The following CFTR variants were observed in gnomAD, a reference collection of about 807,000 sequenced individuals.
The protein encoded by CFTR is cystic fibrosis transmembrane conductance regulator.
Under a neutral mutation model 171.6 loss-of-function variants are expected in CFTR, and 181 were observed. The ratio of observed to expected loss-of-function variants is 1.05; its 90% CI spans 0.93 to 1.19. CFTR has a LOEUF of 1.19. Among genes scored for constraint, CFTR ranks in the 50% most tolerant of loss-of-function variants. The pLI is 0.00. For synonymous variants in CFTR, 583 were observed against 608.0 expected (o/e 0.96, Z 0.60); for missense variants, 1,968 against 1,734.7 (o/e 1.13, Z -2.39).
At chr7:117,611,269 A>C (rs1216767028) in intron 19 of CFTR, among the ~76,000 whole-genome samples, 1 of 152,154 alleles carries the variant, frequency 6.6e-6, no homozygotes, top group Non-Finnish European at 1.5e-5. Flanking sequence ...CTTAAAAGAA[A>C]ATTTTTTTAG....
intron 18 of CFTR, among the ~76,000 whole-genome samples, chr7:117,607,720 T>C (rs1029443817): frequency 1.3e-5 from 2 of 152,222 alleles, no homozygotes; most frequent in African/African-American, 4.8e-5. Context: ...AGTATGTATA[T>C]ATAACCAACA....
At chr7:117,635,779 A>T (rs947923177) in intron 22 of CFTR, among the ~76,000 whole-genome samples, 1 of 152,124 alleles carries the variant, frequency 6.6e-6, no homozygotes, top group African/African-American at 2.4e-5. Flanking sequence ...TATTATAGCT[A>T]TAATTTAGTT....
In CFTR at chr7:117,627,710, C is replaced by T. The variant is rs2116129887; in HGVS notation, c.3657C>T (p.Tyr1219=). The T allele has an allele frequency of 1.2e-6, 2 of 1,613,296 alleles. No homozygotes were observed. The highest frequency in any genetic ancestry group is 1.7e-6 in the Non-Finnish European group (2 of 1,179,492). The part of the protein sequence containing the change: ...QMTVKDLTAK[Y]TEGGNAILEN... ...CTGTCAAAGATCTCACAGCAAAATA[C>T]ACAGAAGGTGGAAATGCCATATTAG... Residue 1219 remains tyrosine, a synonymous_variant, in exon 22 of 27, where the codon TAC becomes TAT. Coordinates refer to ENST00000003084, the MANE Select transcript of CFTR (RefSeq NM_000492.4).
chr7:117,566,124 A>G (rs1791597667), intron 11 of CFTR, among the ~76,000 whole-genome samples: 1 of 152,132 alleles, frequency 6.6e-6, no homozygotes. Context: ...TAGCCAAGAT[A>G]TAATGGACAT....
At chr7:117,484,303 AT>A (rs1196102696) in intron 1 of CFTR, among the ~76,000 whole-genome samples, 1 of 152,254 alleles carries the variant, frequency 6.6e-6, no homozygotes, top group African/African-American at 2.4e-5. Flanking sequence ...TTGAACAATT[AT>A]ATTGTGATAT....
At chr7:117,534,031 A>G (rs1157761542) in intron 4 of CFTR, among the ~76,000 whole-genome samples, 1 of 152,142 alleles carries the variant, frequency 6.6e-6, no homozygotes, top group Non-Finnish European at 1.5e-5. Flanking sequence ...TGAGGAGAAA[A>G]AATAATTATT....
rs193922497 is a variant in CFTR, at chr7:117,540,284, C to T, written c.1054C>T (p.Arg352Trp). 137 of 1,613,830 alleles carry T rather than the reference C, an allele frequency of 8.5e-5. No homozygotes were observed. In the Admixed American group the frequency reaches 1.9e-3, roughly 22 times the overall value. The part of the protein sequence containing the change: ...FCIVLRMAVT[R>W]QFPWAVQTWY... The stretch of plus-strand genomic sequence containing the variant: ...CATTGTTCTGCGCATGGCGGTCACT[C>T]GGCAATTTCCCTGGGCTGTACAAAC... The change falls in exon 8 of 27, where the codon CGG becomes TGG. Residue 352 changes from arginine to tryptophan, a missense_variant. Coordinates refer to ENST00000003084, the MANE Select transcript of CFTR (RefSeq NM_000492.4).
At chr7:117,643,931 G>A (rs979597039) in intron 23 of CFTR, among the ~76,000 whole-genome samples, 1 of 152,152 alleles carries the variant, frequency 6.6e-6, no homozygotes, top group Non-Finnish European at 1.5e-5. Context: ...ATGTAGTAGA[G>A]AGGTTTTGTT....
intron 3 of CFTR, among the ~76,000 whole-genome samples, chr7:117,519,831 C>T (rs1584780706): frequency 6.6e-6 from 1 of 151,780 alleles, no homozygotes; most frequent in South Asian, 2.1e-4. Context: ...ATGTAAATTG[C>T]CTCCATTTTT....
chr7:117,489,453 T>C (rs1425478301), intron 1 of CFTR, among the ~76,000 whole-genome samples: 1 of 152,082 alleles, frequency 6.6e-6, no homozygotes, highest in Non-Finnish European at 1.5e-5. Context: ...AATATCACCT[T>C]AAAGCAAGTA....
intron 1 of CFTR, among the ~76,000 whole-genome samples, chr7:117,492,637 A>G (rs1404681155): frequency 6.6e-6 from 1 of 152,062 alleles, no homozygotes; most frequent in East Asian, 1.9e-4. Context: ...TGCTGGGCAC[A>G]GGGGATACAG....
intron 4 of CFTR, among the ~76,000 whole-genome samples, chr7:117,531,943 G>C (rs1798872816): frequency 6.6e-6 from 1 of 151,944 alleles, no homozygotes; most frequent in African/African-American, 2.4e-5. Flanking sequence ...TGGCTTTTAA[G>C]AGCATAGATC....
At chr7:117,659,756 T>C (rs940480275) in intron 24 of CFTR, among the ~76,000 whole-genome samples, 2 of 152,226 alleles carry the variant, frequency 1.3e-5, no homozygotes, top group Non-Finnish European at 2.9e-5. Flanking sequence ...GGTTAGTTAT[T>C]TTAGAAAACA....
At chr7:117,616,024 C>G (rs751714653) in intron 21 of CFTR, among the ~76,000 whole-genome samples, 4 of 151,980 alleles carry the variant, frequency 2.6e-5, no homozygotes, top group Non-Finnish European at 5.9e-5. Context: ...GTTCCCAAAC[C>G]ACACACATTT....
intron 15 of CFTR, among the ~76,000 whole-genome samples, chr7:117,601,947 G>A (rs1490595240): frequency 6.6e-6 from 1 of 150,792 alleles, no homozygotes; most frequent in Admixed American, 6.6e-5. Flanking sequence ...GAAAGCTATA[G>A]AGATTCTATG....
intron 21 of CFTR, among the ~76,000 whole-genome samples, chr7:117,619,872 GT>G (rs1364447671): frequency 1.9e-4 from 29 of 151,682 alleles, no homozygotes; most frequent in Non-Finnish European, 4.1e-4. Flanking sequence ...AACTCCCTGG[GT>G]TTCTCCTTTG....
intron 13 of CFTR, 58 bp downstream of exon 13, chr7:117,590,497 C>T (rs368644957): frequency 6.4e-7 from 1 of 1,557,468 alleles, no homozygotes; most frequent in Non-Finnish European, 8.7e-7. Context: ...GAAAGACAGA[C>T]TGTCCCATCA....
rs1798624545 is a variant in CFTR at position 117,518,128 on chromosome 7, G to T, written c.273+8986G>T. On this transcript the variant is annotated intron_variant, in intron 3 of 26. Coordinates refer to ENST00000003084, the MANE Select transcript of CFTR (RefSeq NM_000492.4). ...CATAGCAAGTGCTCTCTCTATATAT[G>T]GAACTCTATATGTAGTTGGTGCAAA... 2.6e-5 allele frequency among the ~76,000 whole-genome samples: 4 copies of T among 151,746 alleles called. No individual in the cohort carries two copies. In the South Asian group the frequency reaches 6.2e-4, roughly 24 times the overall value.
At chr7:117,640,648 A>G (rs1792897795) in intron 22 of CFTR, among the ~76,000 whole-genome samples, 2 of 152,164 alleles carry the variant, frequency 1.3e-5, no homozygotes, top group South Asian at 4.1e-4. Context: ...TTGCTTATAC[A>G]ACACTTTACT....
Sources: allele counts gnomAD v4.1 joint callset (sites outside exome capture counted in the v4.1 genomes callset), GRCh38; gene constraint gnomAD v4.1.1; transcripts MANE v1.5; gene names NCBI Gene and HGNC (gene_info 2026-07-23, HGNC 2026-07-21).